The following ABLIM1 variants were observed in gnomAD, a reference collection of about 807,000 sequenced individuals.
The protein encoded by ABLIM1 is actin-binding LIM protein 1.
In ABLIM1, 40 loss-of-function variants were observed where a neutral mutation model predicts 107.0. The observed-to-expected ratio is 0.37, with a 90% CI of 0.29 to 0.49. ABLIM1 has a LOEUF of 0.49. Ranked by LOEUF, ABLIM1 falls within the 20% of genes least tolerant of loss-of-function variation. ABLIM1 has a pLI of 0.97. For synonymous variants in ABLIM1, 357 were observed against 357.3 expected (o/e 1.00, Z 0.01); for missense variants, 857 against 1,008.5 (o/e 0.85, Z 2.04).
chr10:114,515,948 CT>C (rs1198098088), intron 6 of ABLIM1, among the ~76,000 whole-genome samples: 1 of 152,180 alleles, frequency 6.6e-6, no homozygotes, highest in Non-Finnish European at 1.5e-5. Flanking sequence ...GCCTCCAGAG[CT>C]GTTGGAAATT....
chr10:114,558,935 G>GT (rs1565930617), intron 4 of ABLIM1, among the ~76,000 whole-genome samples: 2 of 151,860 alleles, frequency 1.3e-5, no homozygotes, highest in Non-Finnish European at 2.9e-5. Flanking sequence ...GTGTGTGTGT[G>GT]TATACATGTA....
intron 1 of ABLIM1, among the ~76,000 whole-genome samples, chr10:114,622,136 C>A (rs1440884006): frequency 6.6e-6 from 1 of 152,182 alleles, no homozygotes; most frequent in Non-Finnish European, 1.5e-5. Context: ...GCACCCATAG[C>A]CCCTATCATT....
In ABLIM1 at chr10:114,743,518, A is replaced by G. The variant is rs545751263; in HGVS notation, c.-213+24543T>C. Among the ~76,000 whole-genome samples, 5 of 152,346 alleles carry G rather than the reference A, an allele frequency of 3.3e-5. No individual in the cohort carries two copies. The East Asian group carries it at 9.6e-4, about 29-fold the overall frequency. On this transcript the variant is annotated intron_variant, in intron 1 of 15. Transcript: ENST00000651092. ...TGTTTTTTAAACTCAATTTTAAATCAGTCCAAGTGGTAGATAATAAATATT... is the reference window on the plus strand; with the variant it reads ...TGTTTTTTAAACTCAATTTTAAATCGGTCCAAGTGGTAGATAATAAATATT...
chr10:114,780,949 T>C, the ABLIM1 span, among the ~76,000 whole-genome samples: 1 of 151,950 alleles, frequency 6.6e-6, no homozygotes, highest in Non-Finnish European at 1.5e-5. Flanking sequence ...TGGGAAGAAG[T>C]AGAAAGCAAT....
At chr10:114,483,659 T>C (rs916464587) in intron 8 of ABLIM1, among the ~76,000 whole-genome samples, 3 of 152,188 alleles carry the variant, frequency 2.0e-5, no homozygotes, top group African/African-American at 7.2e-5. Context: ...TCTATACTTC[T>C]GTCTTTTCCA....
At chr10:114,710,571 G>A (rs2081527527) in intron 1 of ABLIM1, among the ~76,000 whole-genome samples, 1 of 152,152 alleles carries the variant, frequency 6.6e-6, no homozygotes, top group African/African-American at 2.4e-5. Context: ...TACAATTCAA[G>A]ATGAGATTTG....
intron 8 of ABLIM1, among the ~76,000 whole-genome samples, chr10:114,486,009 C>G (rs1380853139): frequency 6.6e-6 from 1 of 152,158 alleles, no homozygotes; most frequent in African/African-American, 2.4e-5. Context: ...GACAGTGACC[C>G]AGAGCACTGT....
rs532227693 is a variant in ABLIM1 at position 114,434,718 on chromosome 10, C to G, written c.*1542G>C. 6.6e-6 allele frequency: 1 copy of G among 152,310 alleles called. No homozygotes were observed. Among genetic ancestry groups the G allele is most frequent in the African/African-American group, 2.4e-5 (1 of 41,560 alleles). 9.4% of individuals were successfully genotyped at this position (152,310 alleles called of 1,614,324 possible). On this transcript the variant is annotated 3_prime_UTR_variant, in exon 23 of 23. Coordinates refer to ENST00000533213, the MANE Select transcript of ABLIM1 (RefSeq NM_002313.7). Reference sequence around the variant, plus strand: ...GGGTGTGGAGTTACACAAACTCTCCCTCATCTAACTCACGTCGGGAATCAT... The same window carrying G: ...GGGTGTGGAGTTACACAAACTCTCCGTCATCTAACTCACGTCGGGAATCAT...
the ABLIM1 span, chr10:114,778,568 GACACACAC>G: frequency 9.4e-3 from 1,230 of 131,388 alleles, 10 homozygotes; most frequent in Middle Eastern, 0.045. Flanking sequence ...TCATCATCCA[GACACACAC>G]ACACACACAC....
chr10:114,474,153 G>A (rs2067115227), intron 8 of ABLIM1, among the ~76,000 whole-genome samples, 197 bp from the exon 9 acceptor site: 1 of 152,142 alleles, frequency 6.6e-6, no homozygotes, highest in African/African-American at 2.4e-5. Context: ...AAAAGGCATG[G>A]GGAGGCCTTT....
intron 8 of ABLIM1, chr10:114,485,294 A>T (rs775630208): frequency 6.2e-7 from 1 of 1,607,868 alleles, no homozygotes; most frequent in South Asian, 1.1e-5. Flanking sequence ...ACACAATGCC[A>T]ACCTGCAGAG....
chr10:114,618,376 A>AT (rs1387401965), intron 1 of ABLIM1, among the ~76,000 whole-genome samples: 2 of 152,046 alleles, frequency 1.3e-5, no homozygotes, highest in African/African-American at 4.8e-5. Flanking sequence ...TCTACTAATA[A>AT]TTTTTTCCAA....
the ABLIM1 span, among the ~76,000 whole-genome samples, chr10:114,793,955 T>G: frequency 6.6e-6 from 1 of 152,232 alleles, no homozygotes; most frequent in African/African-American, 2.4e-5. Flanking sequence ...GGACTGCTTC[T>G]GCAGTTACAG....
In ABLIM1 at chr10:114,547,769, G is replaced by A. The variant is rs201557556; in HGVS notation, c.681C>T (p.Ala227=). ...CATTCTTGATATCTCTTCCGCAGCC[G>A]GCACAATCTGAAAAAGAGCAGCCGC... ...PKETTFSSNC[A]GCGRDIKNGQ... Residue 227 remains alanine (A), a synonymous_variant, in exon 5 of 23, where the codon GCC becomes GCT. Coordinates refer to ENST00000533213, the MANE Select transcript of ABLIM1 (RefSeq NM_002313.7). 92 of 1,608,656 alleles carry A rather than the reference G, an allele frequency of 5.7e-5. No homozygotes were observed. Among genetic ancestry groups the A allele is most frequent in the Admixed American group, 5.0e-5 (3 of 59,978 alleles).
chr10:114,726,774 C>T (rs1261632270), intron 1 of ABLIM1, among the ~76,000 whole-genome samples: 1 of 152,004 alleles, frequency 6.6e-6, no homozygotes, highest in African/African-American at 2.4e-5. Flanking sequence ...GAGTGAGACT[C>T]CGTCTCAAAA....
At chr10:114,680,599 G>C (rs541721351) in intron 1 of ABLIM1, among the ~76,000 whole-genome samples, 1 of 152,290 alleles carries the variant, frequency 6.6e-6, no homozygotes, top group East Asian at 1.9e-4. Context: ...CTTCATACTG[G>C]AGCCATGGTG....
At chr10:114,498,660 T>C (rs1043127586) in intron 6 of ABLIM1, among the ~76,000 whole-genome samples, 20 of 152,344 alleles carry the variant, frequency 1.3e-4, no homozygotes, top group Middle Eastern at 3.4e-3. Context: ...ATGTTCTGCC[T>C]ACTTTCAAAA....
intron 1 of ABLIM1, among the ~76,000 whole-genome samples, chr10:114,656,269 CAAAAAAA>C (rs71007486): frequency 3.1e-5 from 2 of 63,574 alleles, no homozygotes; most frequent in East Asian, 9.0e-4. Flanking sequence ...AACTCCGTCT[CAAAAAAA>C]AAAAAAAAAA....
At chr10:114,681,921 G>T (rs1446417501) in intron 1 of ABLIM1, among the ~76,000 whole-genome samples, 1 of 152,234 alleles carries the variant, frequency 6.6e-6, no homozygotes, top group Non-Finnish European at 1.5e-5. Context: ...CTCATTTGCA[G>T]TGGCAGCTGT....
Sources: allele counts gnomAD v4.1 joint callset (sites outside exome capture counted in the v4.1 genomes callset), GRCh38; gene constraint gnomAD v4.1.1; transcripts MANE v1.5; gene names NCBI Gene and HGNC (gene_info 2026-07-23, HGNC 2026-07-21).